Variants in GRM8 observed in about 807,000 individuals in gnomAD.
The protein encoded by GRM8 is glutamate metabotropic receptor 8.
In GRM8, 47 loss-of-function variants were observed where a neutral mutation model predicts 87.2. The ratio of observed to expected loss-of-function variants is 0.54; its 90% CI spans 0.43 to 0.69. The LOEUF (loss-of-function observed/expected upper bound fraction) is 0.69. Ranked by LOEUF, GRM8 falls within the 30% of genes least tolerant of loss-of-function variation. The probability of loss-of-function intolerance (pLI) is 0.00; values close to 1 mark genes in which losing one functional copy is unlikely to be tolerated. For missense variants in GRM8, 1,019 were observed against 1,139.2 expected (o/e 0.89, Z 1.52); for synonymous variants, 396 against 404.5 (o/e 0.98, Z 0.25).
intron 6 of GRM8, among the ~76,000 whole-genome samples, chr7:126,788,229 T>G (rs1204726462): frequency 1.3e-5 from 2 of 151,238 alleles, no homozygotes; most frequent in Non-Finnish European, 3.0e-5. Context: ...AGCCAACATG[T>G]CAAAACCCCA....
At chr7:126,949,741 AT>A (rs1488779125) in intron 3 of GRM8, among the ~76,000 whole-genome samples, 5 of 152,198 alleles carry the variant, frequency 3.3e-5, no homozygotes, top group Non-Finnish European at 7.3e-5. Context: ...TGTTGGCAAT[AT>A]TAACAGACCA....
At chr7:126,907,136 G>A (rs959740286) in intron 3 of GRM8, among the ~76,000 whole-genome samples, 4 of 151,582 alleles carry the variant, frequency 2.6e-5, no homozygotes, top group African/African-American at 9.7e-5. Context: ...GGAAGAAGGA[G>A]GAAGAGGAAG....
chr7:126,578,148 A>G (rs1795275306), intron 8 of GRM8, among the ~76,000 whole-genome samples: 1 of 152,214 alleles, frequency 6.6e-6, no homozygotes, highest in Non-Finnish European at 1.5e-5. Flanking sequence ...TTACATATAA[A>G]AAGCAATACC....
At chr7:126,708,773 A>G (rs931055144) in intron 7 of GRM8, among the ~76,000 whole-genome samples, 87 of 152,146 alleles carry the variant, frequency 5.7e-4, no homozygotes, top group Non-Finnish European at 1.6e-4. Context: ...ATGGAGGTAG[A>G]GAGTACAATG....
chr7:126,961,447 T>C (rs563251652), intron 3 of GRM8, among the ~76,000 whole-genome samples: 2 of 152,330 alleles, frequency 1.3e-5, no homozygotes, highest in East Asian at 3.9e-4. Flanking sequence ...AAGAGTCTCA[T>C]TTGTCTAGAA....
At chr7:126,977,379 G>C (rs1338888943) in intron 3 of GRM8, among the ~76,000 whole-genome samples, 1 of 152,140 alleles carries the variant, frequency 6.6e-6, no homozygotes, top group East Asian at 1.9e-4. Context: ...TATTCAGTTT[G>C]TTTCTGGTAC....
rs560070946 is a variant in GRM8 at position 126,503,420 on chromosome 7, T to G, written c.2430+29532A>C. ...GAAGATCCAAATTACTTATATTTTA[T>G]GAGGATTAGTTTGGGATTATCAAAT... is the stretch of plus-strand genomic sequence containing the variant. On this transcript the variant is annotated intron_variant, in intron 9 of 10. Transcript: ENST00000339582. Among the ~76,000 whole-genome samples the G allele has an allele frequency of 3.9e-4, 60 of 152,116 alleles. 1 individual carries two copies. The highest frequency in any genetic ancestry group is 1.3e-3 in the African/African-American group (53 of 41,568).
intron 3 of GRM8, among the ~76,000 whole-genome samples, chr7:126,909,638 AT>A (rs1045993681): frequency 6.6e-6 from 1 of 151,908 alleles, no homozygotes; most frequent in African/African-American, 2.4e-5. Flanking sequence ...CAGCCTGTGT[AT>A]TTTTTTTCCT....
chr7:126,697,384 A>C (rs1020872197), intron 7 of GRM8, among the ~76,000 whole-genome samples: 9 of 152,260 alleles, frequency 5.9e-5, no homozygotes, highest in African/African-American at 2.2e-4. Context: ...AAGACAGCAG[A>C]TTTTAGGTGC....
At chr7:126,944,314 C>T (rs1181877447) in intron 3 of GRM8, among the ~76,000 whole-genome samples, 2 of 126,744 alleles carry the variant, frequency 1.6e-5, no homozygotes, top group African/African-American at 5.6e-5. Flanking sequence ...ATGAGGTGGA[C>T]CTGGGCTGCA....
chr7:126,858,831 T>G (rs1269956131), intron 6 of GRM8, among the ~76,000 whole-genome samples: 1 of 152,232 alleles, frequency 6.6e-6, no homozygotes. Context: ...ATAAAGCCAA[T>G]TGAGGTCTTT....
chr7:127,130,105 C>A (rs986593489), intron 2 of GRM8, among the ~76,000 whole-genome samples: 1 of 152,150 alleles, frequency 6.6e-6, no homozygotes, highest in Non-Finnish European at 1.5e-5. Context: ...GTATGACATG[C>A]CTTCCTTCCC....
At chr7:127,185,925 C>G (rs563505096) in intron 2 of GRM8, among the ~76,000 whole-genome samples, 1 of 152,164 alleles carries the variant, frequency 6.6e-6, no homozygotes, top group African/African-American at 2.4e-5. Flanking sequence ...ATCTATTTCA[C>G]TAGGGTATTT....
intron 9 of GRM8, among the ~76,000 whole-genome samples, chr7:126,457,089 G>T (rs1803338128): frequency 6.6e-6 from 1 of 151,434 alleles, no homozygotes; most frequent in Admixed American, 6.6e-5. Flanking sequence ...GTGTGTGTGT[G>T]TATTGAAGTC....
chr7:126,922,694 G>A (rs1357240654), intron 3 of GRM8, among the ~76,000 whole-genome samples: 2 of 152,106 alleles, frequency 1.3e-5, no homozygotes, highest in Non-Finnish European at 2.9e-5. Context: ...ATATTGAAAT[G>A]TAATCCCCAA....
chr7:126,690,901 C>T (rs946748723), intron 7 of GRM8, among the ~76,000 whole-genome samples: 1 of 152,114 alleles, frequency 6.6e-6, no homozygotes, highest in Admixed American at 6.5e-5. Context: ...TCGCTTGAAT[C>T]CAGGGTTTTT....
intron 9 of GRM8, among the ~76,000 whole-genome samples, chr7:126,494,509 A>G (rs1323051142): frequency 6.6e-6 from 1 of 152,024 alleles, no homozygotes; most frequent in African/African-American, 2.4e-5. Flanking sequence ...CTTTAAATAA[A>G]CAAAAACAGT....
At chr7:126,833,467 A>G (rs2130459444) in intron 6 of GRM8, among the ~76,000 whole-genome samples, 1 of 152,328 alleles carries the variant, frequency 6.6e-6, no homozygotes, top group East Asian at 1.9e-4. Flanking sequence ...GGCTTAAATA[A>G]CAGACATATA....
At chr7:126,856,449 T>C (rs1355636505) in intron 6 of GRM8, among the ~76,000 whole-genome samples, 2 of 152,210 alleles carry the variant, frequency 1.3e-5, no homozygotes, top group Non-Finnish European at 2.9e-5. Flanking sequence ...GGGGAAACAG[T>C]ACCATTTCTA....
Sources: allele counts gnomAD v4.1 joint callset (sites outside exome capture counted in the v4.1 genomes callset), GRCh38; gene constraint gnomAD v4.1.1; transcripts MANE v1.5; gene names NCBI Gene and HGNC (gene_info 2026-07-23, HGNC 2026-07-21).